The following LAMA4 variants were observed in gnomAD, a reference collection of about 807,000 sequenced individuals.
LAMA4 encodes the protein laminin subunit alpha-4.
LAMA4 carries 127 observed loss-of-function variants against 207.1 expected under a neutral mutation model. The observed-to-expected ratio is 0.61, with a 90% CI of 0.53 to 0.71. The LOEUF is 0.71. Ranked by LOEUF, LAMA4 falls within the 30% of genes least tolerant of loss-of-function variation. The pLI, the probability that LAMA4 is intolerant of heterozygous loss-of-function variation, is 0.00. For synonymous variants in LAMA4, 761 were observed against 816.0 expected, an observed-to-expected ratio of 0.93 and a Z score of 1.15; for missense variants, 2,093 against 2,246.5, an observed-to-expected ratio of 0.93 and a Z score of 1.38.
At chr6:112,233,653 T>C (rs1324776067) in intron 2 of LAMA4, among the ~76,000 whole-genome samples, 1 of 152,098 alleles carries the variant, frequency 6.6e-6, no homozygotes, top group African/African-American at 2.4e-5. Flanking sequence ...GTGCGGTTTG[T>C]GGAGGATTTT....
intron 8 of LAMA4, 129 bp from the exon 9 acceptor site, chr6:112,185,476 G>A (rs1169405911): frequency 2.9e-5 from 19 of 661,738 alleles, no homozygotes; most frequent in Non-Finnish European, 4.9e-5. Context: ...AGTGGGGTCC[G>A]CAGGCTGCTG....
intron 2 of LAMA4, among the ~76,000 whole-genome samples, chr6:112,244,967 C>T (rs1457130770): frequency 6.6e-6 from 1 of 152,100 alleles, no homozygotes; most frequent in Non-Finnish European, 1.5e-5. Flanking sequence ...TTCAAAGGAA[C>T]AATATAAAAT....
chr6:112,155,091 TCAAATA>T, intron 15 of LAMA4, 144 bp from the exon 16 acceptor site: 1 of 713,602 alleles, frequency 1.4e-6, no homozygotes, highest in Non-Finnish European at 2.5e-6. Context: ...AAAATTAAGG[TCAAATA>T]TGTGACCATG....
chr6:112,254,102 A>C lies in LAMA4; in HGVS notation c.49T>G (p.Trp17Gly). The C allele has an allele frequency of 6.2e-7, 1 of 1,612,726 alleles. No homozygotes were observed. The change falls in exon 2 of 39, where the codon TGG (tryptophan) becomes GGG (glycine). Residue 17 changes from tryptophan to glycine, a missense_variant. This residue lies in a region of LAMA4 where 1,704 missense variants were observed against 1,788.4 expected (regional missense o/e 0.95). Coordinates refer to ENST00000230538, the MANE Select transcript of LAMA4 (RefSeq NM_001105206.3). ...WRSVLPLWLL[W>G]SAACSRAASG... ...GCGGCGCGGGAGCAGGCAGCGCTCC[A>C]GAGGAGCCACAGAGGCAGAACCGAG...
chr6:112,224,813 C>CAAAAAA (rs782785024), intron 2 of LAMA4, among the ~76,000 whole-genome samples: 1 of 68,002 alleles, frequency 1.5e-5, no homozygotes, highest in Non-Finnish European at 2.8e-5. Context: ...AAGACTGTCT[C>CAAAAAA]AAAAAAAAAA....
chr6:112,253,501 C>T, intron 2 of LAMA4: 1 of 427,678 alleles, frequency 2.3e-6, no homozygotes, highest in Non-Finnish European at 4.4e-6. Context: ...TTCCCTGCTG[C>T]AGAAGACTTC....
chr6:112,254,260 G>C lies in LAMA4; in HGVS notation c.-110C>G, dbSNP rs1787701986. On this transcript the variant is annotated 5_prime_UTR_variant, in exon 2 of 39. Coordinates refer to ENST00000230538, the MANE Select transcript of LAMA4 (RefSeq NM_001105206.3). ...CGCTTATTTTCCCTCCTCTCCGTGT[G>C]CAGTATCCCGAGGTGGCTGCGCAAC... is the stretch of plus-strand genomic sequence containing the variant. 7.1e-7 allele frequency: 1 copy of C among 1,399,502 alleles called. No homozygotes were observed. The highest frequency in any genetic ancestry group is 2.3e-5 in the East Asian group (1 of 42,746). 86.7% of individuals were successfully genotyped at this position (1,399,502 alleles called of 1,614,324 possible).
intron 2 of LAMA4, among the ~76,000 whole-genome samples, chr6:112,252,502 C>T (rs1456030077): frequency 6.6e-6 from 1 of 151,976 alleles, no homozygotes; most frequent in Non-Finnish European, 1.5e-5. Flanking sequence ...ACAGGATGCC[C>T]GGATAAATTT....
chr6:112,226,306 C>T (rs1374411002), intron 2 of LAMA4, among the ~76,000 whole-genome samples: 1 of 152,154 alleles, frequency 6.6e-6, no homozygotes, highest in Non-Finnish European at 1.5e-5. Flanking sequence ...TACAAGGATC[C>T]AACCTTAAAC....
intron 20 of LAMA4, 104 bp downstream of exon 20, chr6:112,142,015 G>A: frequency 9.4e-7 from 1 of 1,067,320 alleles, no homozygotes; most frequent in Non-Finnish European, 1.4e-6. Flanking sequence ...TTACCAGAAT[G>A]GGCATTGTTT....
At chr6:112,191,574 A>G in intron 6 of LAMA4, 62 bp downstream of exon 6, 1 of 1,215,364 alleles carries the variant, frequency 8.2e-7, no homozygotes, top group South Asian at 1.2e-5. Context: ...CTTCATCTAA[A>G]TTCAGTATTG....
intron 5 of LAMA4, among the ~76,000 whole-genome samples, chr6:112,192,628 G>A (rs533568778): frequency 3.9e-5 from 6 of 152,208 alleles, no homozygotes; most frequent in African/African-American, 1.4e-4. Flanking sequence ...CTATGGTCAG[G>A]CTGGCTGGGC....
chr6:112,132,497 G>T (rs1005520768), intron 28 of LAMA4, among the ~76,000 whole-genome samples: 4 of 152,052 alleles, frequency 2.6e-5, no homozygotes, highest in Non-Finnish European at 5.9e-5. Flanking sequence ...TAATCTTTTC[G>T]CATTAAGTCC....
chr6:112,115,973 A>G lies in LAMA4; in HGVS notation c.5002T>C (p.Leu1668=), dbSNP rs369799390. Residue 1668 remains leucine (L), a synonymous_variant, in exon 36 of 39, where the codon TTG becomes CTG. Coordinates refer to ENST00000230538, the MANE Select transcript of LAMA4 (RefSeq NM_001105206.3). ...VVLDESFNIG[L]KFEIAFEVRP... ...ACTTCAAATGCAATTTCAAACTTCA[A>G]TCCAATATTGAAAGATTCATCTGTG... 5.0e-6 allele frequency: 8 copies of G among 1,613,112 alleles called. No individual in the cohort carries two copies. The highest frequency in any genetic ancestry group is 6.8e-6 in the Non-Finnish European group (8 of 1,179,424).
chr6:112,155,667 CTT>C lies in LAMA4; in HGVS notation c.1855_1856del (p.Lys619GlyfsTer9). 6.2e-7 allele frequency: 1 copy of C among 1,614,128 alleles called. No homozygotes were observed. Among genetic ancestry groups the C allele is most frequent in the Non-Finnish European group, 8.5e-7 (1 of 1,179,978 alleles). ...CATAGACATTTGATGCATCCAAAGCCTTCTGTACCAGCCCGTTCATATCTGAA... is the reference window on the plus strand; with the variant it reads ...CATAGACATTTGATGCATCCAAAGCCCTGTACCAGCCCGTTCATATCTGAA... ...HSSDMNGLVQKALDASNVYEN... is the reference protein window; with the variant it reads ...HSSDMNGLVQXALDASNVYEN... On this transcript the variant is annotated frameshift_variant, in exon 15 of 39. Coordinates refer to ENST00000230538, the MANE Select transcript of LAMA4 (RefSeq NM_001105206.3). LOFTEE classifies it high-confidence loss of function.
At chr6:112,245,836 G>A (rs971224483) in intron 2 of LAMA4, among the ~76,000 whole-genome samples, 1 of 152,112 alleles carries the variant, frequency 6.6e-6, no homozygotes, top group African/African-American at 2.4e-5. Context: ...TGAAAAGAAG[G>A]TCATTTTGCA....
At chr6:112,163,186 C>T (rs1781173674) in intron 13 of LAMA4, among the ~76,000 whole-genome samples, 1 of 151,796 alleles carries the variant, frequency 6.6e-6, no homozygotes, top group African/African-American at 2.4e-5. Flanking sequence ...CACTATGTTT[C>T]CCAGGCTGGT....
At chr6:112,213,968 C>T (rs1313819919) in intron 3 of LAMA4, 3 of 715,640 alleles carry the variant, frequency 4.2e-6, no homozygotes, top group Non-Finnish European at 7.8e-6. Flanking sequence ...CAGTGAGCTA[C>T]AAGAAGTGTT....
At chr6:112,140,486 G>A (rs1417425073) in intron 22 of LAMA4, among the ~76,000 whole-genome samples, 1 of 152,162 alleles carries the variant, frequency 6.6e-6, no homozygotes, top group African/African-American at 2.4e-5. Context: ...TGTGGCAGGT[G>A]GGGGTAATAT....
Sources: allele counts gnomAD v4.1 joint callset (sites outside exome capture counted in the v4.1 genomes callset), GRCh38; gene constraint gnomAD v4.1.1; regional missense constraint gnomAD v4.1.1; transcripts MANE v1.5; gene names NCBI Gene and HGNC (gene_info 2026-07-23, HGNC 2026-07-21).